The following ZNF804A variants were observed in gnomAD, a reference collection of about 807,000 sequenced individuals.
ZNF804A encodes zinc finger protein 804A.
Under a neutral mutation model 16.5 loss-of-function variants are expected in ZNF804A, and 2 were observed. The ratio of observed to expected loss-of-function variants is 0.12; its 90% CI spans 0.05 to 0.38. ZNF804A has a LOEUF of 0.38. ZNF804A is among the 10% of genes least tolerant of loss of function. The probability of loss-of-function intolerance (pLI) is 0.99; values close to 1 mark genes in which losing one functional copy is unlikely to be tolerated. For synonymous variants in ZNF804A, 534 were observed against 489.6 expected, an observed-to-expected ratio of 1.09 and a Z score of -1.20; for missense variants, 1,473 against 1,390.7, an observed-to-expected ratio of 1.06 and a Z score of -0.94.
chr2:184,860,871 C>T (rs756996291), intron 1 of ZNF804A, among the ~76,000 whole-genome samples: 10 of 152,194 alleles, frequency 6.6e-5, no homozygotes, highest in African/African-American at 9.6e-5. Context: ...TCAGTGCTGG[C>T]GCATTCAGGA....
chr2:184,601,955 C>T (rs1485136269), intron 1 of ZNF804A, among the ~76,000 whole-genome samples: 2 of 151,972 alleles, frequency 1.3e-5, no homozygotes, highest in East Asian at 1.9e-4. Flanking sequence ...ACTGTTAATA[C>T]AGTCTTCTTT....
intron 1 of ZNF804A, among the ~76,000 whole-genome samples, chr2:184,649,516 A>G (rs1472140207): frequency 2.0e-5 from 3 of 152,084 alleles, no homozygotes; most frequent in Non-Finnish European, 4.4e-5. Context: ...AACAAGATTG[A>G]TAGACTAACA....
intron 1 of ZNF804A, among the ~76,000 whole-genome samples, chr2:184,673,624 T>C (rs931602377): frequency 2.0e-5 from 3 of 152,202 alleles, no homozygotes; most frequent in African/African-American, 4.8e-5. Flanking sequence ...TTGCCACAGC[T>C]TGTGAATTGC....
chr2:184,783,031 T>C (rs912408960), intron 1 of ZNF804A, among the ~76,000 whole-genome samples: 4 of 150,668 alleles, frequency 2.7e-5, no homozygotes, highest in Admixed American at 1.3e-4. Context: ...AATAGGAATA[T>C]TTTTTCCTCC....
intron 1 of ZNF804A, among the ~76,000 whole-genome samples, chr2:184,785,407 A>ATG (rs1168766986): frequency 6.6e-6 from 1 of 152,064 alleles, no homozygotes; most frequent in Non-Finnish European, 1.5e-5. Context: ...TAGTGTAATA[A>ATG]TGTGCCATGA....
At chr2:184,651,621 A>G (rs879397102) in intron 1 of ZNF804A, among the ~76,000 whole-genome samples, 10 of 152,156 alleles carry the variant, frequency 6.6e-5, no homozygotes, top group Admixed American at 2.6e-4. Flanking sequence ...TTTATTTAAA[A>G]GTAGGCAAAA....
chr2:184,694,160 G>T (rs571143160), intron 1 of ZNF804A, among the ~76,000 whole-genome samples: 117 of 151,534 alleles, frequency 7.7e-4, no homozygotes, highest in African/African-American at 2.7e-3. Flanking sequence ...TGTTGGTCAG[G>T]CTGGTCTCGG....
In ZNF804A at chr2:184,790,874, A is replaced by T. The variant is rs1694529739; in HGVS notation, c.112-75495A>T. ...CACCTCGGCCTCCCAAAGTGCTGGG[A>T]TTATAGGCGTGAGCCACTGCGCCCC... On this transcript the variant is annotated intron_variant, in intron 1 of 3. Transcript: ENST00000302277. Among the ~76,000 whole-genome samples, 3 of 152,174 alleles carry T rather than the reference A, an allele frequency of 2.0e-5. No individual in the cohort carries two copies. In the South Asian group the frequency reaches 6.2e-4, roughly 31 times the overall value.
intron 1 of ZNF804A, among the ~76,000 whole-genome samples, chr2:184,770,023 AT>A (rs1273714496): frequency 1.3e-5 from 2 of 152,104 alleles, no homozygotes; most frequent in South Asian, 4.1e-4. Flanking sequence ...AGATTGTCAT[AT>A]TTTAACTAGA....
chr2:184,697,956 C>T (rs1232408272), intron 1 of ZNF804A, among the ~76,000 whole-genome samples: 2 of 152,022 alleles, frequency 1.3e-5, no homozygotes, highest in African/African-American at 4.8e-5. Context: ...TTGAACCAAA[C>T]ATATTTACTG....
chr2:184,933,613 A>T lies in ZNF804A; in HGVS notation c.266A>T (p.Glu89Val). 6.3e-7 allele frequency: 1 copy of T among 1,599,544 alleles called. No individual in the cohort carries two copies. Among genetic ancestry groups the T allele is most frequent in the Non-Finnish European group, 8.5e-7 (1 of 1,175,996 alleles). Residue 89 changes from glutamate to valine, a missense_variant, in exon 3 of 4, where the codon GAA (glutamate) becomes GTA (valine). By Grantham distance (121) the Glu-to-Val change is moderately radical. Coordinates refer to ENST00000302277, the MANE Select transcript of ZNF804A (RefSeq NM_194250.2). Reference protein sequence around the residue: ...YDHAHKQRLKELKQREFARNV... With the variant: ...YDHAHKQRLKVLKQREFARNV... ...ACTTTTTTTTAACAGAGGCTCAAGG[A>T]ACTGAAACAAAGGGAATTTGCTCGA... is the stretch of plus-strand genomic sequence containing the variant.
chr2:184,825,551 T>A (rs1695151219), intron 1 of ZNF804A, among the ~76,000 whole-genome samples: 1 of 152,068 alleles, frequency 6.6e-6, no homozygotes, highest in African/African-American at 2.4e-5. Context: ...ACCAGAGCTC[T>A]AGCAGAAAGG....
At chr2:184,686,160 C>G (rs1692626999) in intron 1 of ZNF804A, among the ~76,000 whole-genome samples, 1 of 152,188 alleles carries the variant, frequency 6.6e-6, no homozygotes, top group Non-Finnish European at 1.5e-5. Flanking sequence ...GCAGGGGCTT[C>G]CCAGGCCCCC....
At chr2:184,682,578 A>G (rs1451591199) in intron 1 of ZNF804A, among the ~76,000 whole-genome samples, 2 of 152,152 alleles carry the variant, frequency 1.3e-5, no homozygotes, top group Non-Finnish European at 2.9e-5. Context: ...CCTTCATTAA[A>G]ATAACAGATT....
Position 184,938,430 on chromosome 2 carries a change from G to T in ZNF804A, c.3034G>T (p.Val1012Phe), listed in dbSNP as rs1487864350. ...QPPLPFKEAH[V>F]SGHTFVTAEQ... ...ACCATTACCATTCAAAGAAGCACAT[G>T]TCAGTGGTCATACTTTTGTAACAGC... The change falls in exon 4 of 4, where the codon GTC becomes TTC. Residue 1012 changes from valine (V) to phenylalanine (F), a missense_variant. Val to Phe is a conservative substitution (Grantham distance 50). Transcript: ENST00000302277. 6.2e-7 allele frequency: 1 copy of T among 1,614,078 alleles called. No homozygotes were observed. Among genetic ancestry groups the T allele is most frequent in the Admixed American group, 1.7e-5 (1 of 59,998 alleles).
intron 1 of ZNF804A, among the ~76,000 whole-genome samples, chr2:184,694,169 G>A (rs986212822): frequency 2.0e-5 from 3 of 150,472 alleles, no homozygotes; most frequent in Non-Finnish European, 3.0e-5. Flanking sequence ...GGCTGGTCTC[G>A]GACTCCTGAC....
At chr2:184,849,356 A>T (rs1017156014) in intron 1 of ZNF804A, among the ~76,000 whole-genome samples, 1 of 152,012 alleles carries the variant, frequency 6.6e-6, no homozygotes, top group East Asian at 1.9e-4. Flanking sequence ...ACAAAAGCAA[A>T]CTTTGGGGAA....
rs574807988 is a variant in ZNF804A, at chr2:184,767,611, TCAAA to T, written c.112-98749_112-98746del. On this transcript the variant is annotated intron_variant, in intron 1 of 3. Coordinates refer to ENST00000302277, the MANE Select transcript of ZNF804A (RefSeq NM_194250.2). ...TGTTACATATATTTGCCACAAAGTG[TCAAA>T]CAAACAAAAGTCACCACTCACTTTA... Among the ~76,000 whole-genome samples, 366 of 152,164 alleles carry T rather than the reference TCAAA, an allele frequency of 2.4e-3. 1 individual carries two copies. Among genetic ancestry groups the T allele is most frequent in the African/African-American group, 8.5e-3 (352 of 41,492 alleles).
chr2:184,800,718 A>G (rs1694711110), intron 1 of ZNF804A, among the ~76,000 whole-genome samples: 1 of 151,842 alleles, frequency 6.6e-6, no homozygotes, highest in Non-Finnish European at 1.5e-5. Flanking sequence ...CATACTCTTC[A>G]CATGTAGTGT....
Sources: allele counts gnomAD v4.1 joint callset (sites outside exome capture counted in the v4.1 genomes callset), GRCh38; gene constraint gnomAD v4.1.1; transcripts MANE v1.5; gene names NCBI Gene and HGNC (gene_info 2026-07-23, HGNC 2026-07-21).